The following CCDC178 variants were observed in gnomAD, a reference collection of about 807,000 sequenced individuals.
CCDC178 encodes the protein coiled-coil domain containing 178.
CCDC178 carries 126 observed loss-of-function variants against 117.4 expected under a neutral mutation model. The ratio of observed to expected loss-of-function variants is 1.07; its 90% CI spans 0.93 to 1.24. The LOEUF (loss-of-function observed/expected upper bound fraction) is 1.24, where lower values mean the gene tolerates loss of function less well. Among genes scored for constraint, CCDC178 ranks in the 50% most tolerant of loss-of-function variants. The pLI is 0.00. For missense variants in CCDC178, 1,030 were observed against 986.9 expected (o/e 1.04, Z -0.59); for synonymous variants, 283 against 313.4 (o/e 0.90, Z 1.02).
At chr18:33,078,036 C>CA (rs1161330438) in intron 21 of CCDC178, among the ~76,000 whole-genome samples, 1 of 152,062 alleles carries the variant, frequency 6.6e-6, no homozygotes, top group Non-Finnish European at 1.5e-5. Flanking sequence ...AACTCCTTAA[C>CA]AAAATACTTG....
At chr18:33,115,259 G>T (rs1039514627) in intron 20 of CCDC178, among the ~76,000 whole-genome samples, 2 of 151,996 alleles carry the variant, frequency 1.3e-5, no homozygotes, top group African/African-American at 4.8e-5. Flanking sequence ...CATGGGTATT[G>T]CACTCAGCCT....
intron 20 of CCDC178, among the ~76,000 whole-genome samples, chr18:33,209,294 T>C (rs1417945747): frequency 2.0e-5 from 3 of 152,076 alleles, no homozygotes; most frequent in African/African-American, 7.2e-5. Flanking sequence ...CCATGCTGTC[T>C]GTATGTTATC....
At chr18:33,147,356 AT>A (rs575608507) in intron 20 of CCDC178, among the ~76,000 whole-genome samples, 265 of 94,614 alleles carry the variant, frequency 2.8e-3, no homozygotes, top group Middle Eastern at 0.012. Context: ...TGCCTTTTTA[AT>A]TTTTTTTTTT....
intron 22 of CCDC178, among the ~76,000 whole-genome samples, chr18:32,972,908 G>A (rs539458213): frequency 3.3e-4 from 50 of 152,086 alleles, no homozygotes; most frequent in African/African-American, 1.2e-3. Flanking sequence ...TATTCTAAAT[G>A]GAAGCCATCT....
At chr18:33,265,432 A>C (rs1337329630) in intron 14 of CCDC178, among the ~76,000 whole-genome samples, 2 of 152,116 alleles carry the variant, frequency 1.3e-5, no homozygotes, top group African/African-American at 2.4e-5. Context: ...TCACATGTAC[A>C]TATGACAGAG....
intron 21 of CCDC178, among the ~76,000 whole-genome samples, chr18:33,023,601 G>C (rs1256486796): frequency 6.6e-6 from 1 of 151,976 alleles, no homozygotes; most frequent in African/African-American, 2.4e-5. Context: ...AATAGCACTA[G>C]GTGCATATAT....
chr18:33,023,066 G>C (rs1406297620), intron 21 of CCDC178, among the ~76,000 whole-genome samples: 1 of 152,058 alleles, frequency 6.6e-6, no homozygotes, highest in African/African-American at 2.4e-5. Flanking sequence ...GAACCTAAAA[G>C]CTGGGCTGCA....
chr18:33,311,407 CAGAG>C (rs71379537), intron 11 of CCDC178, among the ~76,000 whole-genome samples: 36,205 of 151,958 alleles, frequency 0.24, 4,595 homozygotes, highest in East Asian at 0.48. Context: ...ATAAAAAAGA[CAGAG>C]AGGCCACATG....
At chr18:33,219,574 C>T (rs1333474473) in intron 18 of CCDC178, among the ~76,000 whole-genome samples, 2 of 152,128 alleles carry the variant, frequency 1.3e-5, no homozygotes, top group East Asian at 3.9e-4. Context: ...GGCACATATA[C>T]ACCATGGAAT....
chr18:33,349,861 A>G (rs1001036452), intron 7 of CCDC178, among the ~76,000 whole-genome samples: 17 of 151,976 alleles, frequency 1.1e-4, no homozygotes, highest in African/African-American at 4.1e-4. Context: ...TTCTTATAAA[A>G]TTAGAGTCAC....
chr18:32,951,407 GAAGGC>G (rs2054479647), intron 22 of CCDC178, among the ~76,000 whole-genome samples: 1 of 152,180 alleles, frequency 6.6e-6, no homozygotes, highest in African/African-American at 2.4e-5. Context: ...AATCATGGTG[GAAGGC>G]ACCTCTTCAC....
intron 15 of CCDC178, among the ~76,000 whole-genome samples, chr18:33,232,204 C>A (rs1258729526): frequency 6.6e-6 from 1 of 151,924 alleles, no homozygotes; most frequent in African/African-American, 2.4e-5. Flanking sequence ...TTTTAGCAGT[C>A]ACAAACCAGA....
chr18:33,066,670 C>T (rs150007853), intron 21 of CCDC178, among the ~76,000 whole-genome samples: 270 of 152,270 alleles, frequency 1.8e-3, no homozygotes, highest in Non-Finnish European at 3.1e-3. Flanking sequence ...GTATTCCATG[C>T]AGATCAAAAC....
At chr18:33,377,041 T>C (rs1242663385) in intron 5 of CCDC178, among the ~76,000 whole-genome samples, 2 of 152,206 alleles carry the variant, frequency 1.3e-5, no homozygotes, top group African/African-American at 2.4e-5. Context: ...CTTTCCATAG[T>C]GGCTAAACTA....
At chr18:33,082,534 C>A (rs896464176) in intron 21 of CCDC178, among the ~76,000 whole-genome samples, 3 of 152,062 alleles carry the variant, frequency 2.0e-5, no homozygotes, top group Non-Finnish European at 4.4e-5. Flanking sequence ...AATTTGGATA[C>A]GGACAAAATT....
intron 21 of CCDC178, among the ~76,000 whole-genome samples, chr18:33,019,828 C>T (rs1886646524): frequency 6.6e-6 from 1 of 151,496 alleles, no homozygotes; most frequent in Non-Finnish European, 1.5e-5. Context: ...AAACATTAGT[C>T]TATTATACAT....
At chr18:33,228,263 G>A (rs1286765081) in intron 15 of CCDC178, among the ~76,000 whole-genome samples, 4 of 152,044 alleles carry the variant, frequency 2.6e-5, no homozygotes, top group African/African-American at 4.8e-5. Flanking sequence ...GTTACAATAT[G>A]GATTGATTCA....
intron 20 of CCDC178, among the ~76,000 whole-genome samples, chr18:33,168,679 G>A (rs2058562290): frequency 6.6e-6 from 1 of 152,134 alleles, no homozygotes; most frequent in Admixed American, 6.5e-5. Flanking sequence ...GAGATGTTTA[G>A]GAATGTACAG....
rs535035009 is a variant in CCDC178 at position 33,314,974 on chromosome 18, C to T, written c.1022+8517G>A. Among the ~76,000 whole-genome samples, 28 of 152,202 alleles carry T rather than the reference C, an allele frequency of 1.8e-4. 1 individual carries two copies. In the South Asian group the frequency reaches 5.0e-3, roughly 27 times the overall value. ...TCCTGGAGAATGAGCCCTAGGGCAC[C>T]GAATCCCCAGAGAAGTCAAAATGTT... On this transcript the variant is annotated intron_variant, in intron 11 of 22. Coordinates refer to ENST00000383096, the MANE Select transcript of CCDC178 (RefSeq NM_001105528.4).
Sources: allele counts gnomAD v4.1 joint callset (sites outside exome capture counted in the v4.1 genomes callset), GRCh38; gene constraint gnomAD v4.1.1; transcripts MANE v1.5; gene names NCBI Gene and HGNC (gene_info 2026-07-23, HGNC 2026-07-21).